The following SPINK9 variants were observed in gnomAD, a reference collection of about 807,000 sequenced individuals.
SPINK9 encodes the protein serine peptidase inhibitor Kazal type 9.
Under a neutral mutation model 10.8 loss-of-function variants are expected in SPINK9, and 3 were observed. The observed-to-expected ratio is 0.28, with a 90% CI of 0.13 to 0.72. The LOEUF is 0.72. Ranked by LOEUF, SPINK9 falls within the 30% of genes least tolerant of loss-of-function variation. The pLI, the probability that SPINK9 is intolerant of heterozygous loss-of-function variation, is 0.74. For synonymous variants in SPINK9, 30 were observed against 31.2 expected (o/e 0.96, Z 0.12); for missense variants, 101 against 103.2 (o/e 0.98, Z 0.09).
chr5:148,332,887 C>G (rs911203812), upstream of SPINK9, among the ~76,000 whole-genome samples: 8 of 152,162 alleles, frequency 5.3e-5, no homozygotes, highest in African/African-American at 1.9e-4. Flanking sequence ...CACTTCAAGT[C>G]AGAAATGGGA....
In SPINK9 at chr5:148,336,456, C is replaced by A. The variant is rs1249823522; in HGVS notation, c.87+3C>A. On this transcript the variant is annotated splice_donor_region_variant and intron_variant, in intron 2 of 3. Transcript: ENST00000377906. The stretch of plus-strand genomic sequence containing the variant: ...GTGCCAAACAGACGAAACAGATGGT[C>A]AGTACACCCATCCTACTTTTATGTA... The A allele has an allele frequency of 1.9e-6, 3 of 1,613,188 alleles. No homozygotes were observed. Among genetic ancestry groups the A allele is most frequent in the Non-Finnish European group, 8.5e-7 (1 of 1,179,396 alleles).
At chr5:148,328,866 G>C (rs1382419442) in intron 2 of SPINK9, among the ~76,000 whole-genome samples, 6 of 152,158 alleles carry the variant, frequency 3.9e-5, no homozygotes, top group Admixed American at 3.9e-4. Flanking sequence ...CTTGATCATG[G>C]TGGATAAGCT....
At chr5:148,326,561 C>A (rs934022018) in intron 2 of SPINK9, among the ~76,000 whole-genome samples, 5 of 152,040 alleles carry the variant, frequency 3.3e-5, no homozygotes, top group African/African-American at 1.2e-4. Context: ...ACGTGCACAA[C>A]CTGCAGGTTT....
intron 2 of SPINK9, among the ~76,000 whole-genome samples, chr5:148,337,857 A>T (rs1028485104): frequency 2.6e-5 from 4 of 152,132 alleles, no homozygotes; most frequent in Admixed American, 2.6e-4. Context: ...TAGATTTTTT[A>T]AAAAATATGA....
rs772286075 is a variant in SPINK9, at chr5:148,335,566, A to G, written c.-48A>G. The G allele has an allele frequency of 1.3e-6, 2 of 1,557,764 alleles. No individual in the cohort carries two copies. The highest frequency in any genetic ancestry group is 1.8e-6 in the Non-Finnish European group (2 of 1,131,436). ...GATCAAAGTGAGCTGGACGGACACCAGGTCACTTCTTTTCCCTACATCTGA... is the reference window on the plus strand; with the variant it reads ...GATCAAAGTGAGCTGGACGGACACCGGGTCACTTCTTTTCCCTACATCTGA... On this transcript the variant is annotated 5_prime_UTR_variant, in exon 1 of 4. Coordinates refer to ENST00000377906, the MANE Select transcript of SPINK9 (RefSeq NM_001040433.2).
At chr5:148,337,938 A>C (rs1757238161) in intron 2 of SPINK9, among the ~76,000 whole-genome samples, 1 of 152,142 alleles carries the variant, frequency 6.6e-6, no homozygotes, top group African/African-American at 2.4e-5. Context: ...ACTGGTTCCC[A>C]ACTACAATAT....
At chr5:148,335,116 C>A (rs1211089873), upstream of SPINK9, among the ~76,000 whole-genome samples, 1 of 152,202 alleles carries the variant, frequency 6.6e-6, no homozygotes, top group Non-Finnish European at 1.5e-5. Context: ...ACAACACCTG[C>A]AAGAGCTTCT....
At chr5:148,336,788 C>T (rs17719799) in intron 2 of SPINK9, among the ~76,000 whole-genome samples, 3,533 of 152,244 alleles carry the variant, frequency 0.023, 154 homozygotes, top group East Asian at 0.17. Context: ...GAGTGAAACT[C>T]AATAAGGGCA....
chr5:148,337,893 C>G (rs976422316), intron 2 of SPINK9, among the ~76,000 whole-genome samples: 1 of 152,046 alleles, frequency 6.6e-6, no homozygotes, highest in Non-Finnish European at 1.5e-5. Flanking sequence ...AATTGCCTAC[C>G]TACTTCCACA....
upstream of SPINK9, among the ~76,000 whole-genome samples, chr5:148,331,190 G>C (rs1757145012): frequency 6.6e-6 from 1 of 152,238 alleles, no homozygotes; most frequent in Admixed American, 6.5e-5. Context: ...CATGCTGGTA[G>C]ATGTAGACTG....
intron 3 of SPINK9, among the ~76,000 whole-genome samples, chr5:148,339,325 C>T (rs560659329): frequency 1.8e-4 from 27 of 151,304 alleles, no homozygotes; most frequent in Admixed American, 6.6e-4. Flanking sequence ...GAAATACAAA[C>T]GAGCATCTAA....
chr5:148,331,389 A>G (rs1757147711), upstream of SPINK9, among the ~76,000 whole-genome samples: 2 of 152,218 alleles, frequency 1.3e-5, no homozygotes, highest in African/African-American at 4.8e-5. Context: ...AATAAATACT[A>G]CGTGATCTCA....
upstream of SPINK9, among the ~76,000 whole-genome samples, chr5:148,333,803 G>C (rs1757180662): frequency 6.6e-6 from 1 of 152,038 alleles, no homozygotes; most frequent in Non-Finnish European, 1.5e-5. Context: ...TTATTTCTCT[G>C]TACCTCACTT....
chr5:148,333,197 C>G (rs1173681679), upstream of SPINK9, among the ~76,000 whole-genome samples: 1 of 152,158 alleles, frequency 6.6e-6, no homozygotes, highest in Admixed American at 6.5e-5. Context: ...ACCCACATTC[C>G]CACTTCATCT....
At chr5:148,329,990 G>T (rs1223436536) in intron 2 of SPINK9, among the ~76,000 whole-genome samples, 1 of 152,150 alleles carries the variant, frequency 6.6e-6, no homozygotes, top group Non-Finnish European at 1.5e-5. Context: ...TGTTGATTTC[G>T]GGTGGAGAGT....
chr5:148,330,920 T>G (rs73262446), upstream of SPINK9, among the ~76,000 whole-genome samples: 724 of 152,348 alleles, frequency 4.8e-3, 4 homozygotes, highest in African/African-American at 0.016. Flanking sequence ...TTGTGCTGTT[T>G]GCTAAGCCCG....
At position 148,337,414 on chromosome 5, in the gene SPINK9, G is replaced by T. The variant is rs561121390; in HGVS notation, c.87+961G>T. On this transcript the variant is annotated intron_variant, in intron 2 of 3. Transcript: ENST00000377906. ...GGTGTATGGAAGCTGATGAATGAAT[G>T]AATGAATTAATTAATGAAGCACATC... is the stretch of plus-strand genomic sequence containing the variant. 3.3e-5 allele frequency among the ~76,000 whole-genome samples: 5 copies of T among 152,280 alleles called. No individual in the cohort carries two copies. The East Asian group carries it at 5.8e-4, about 18-fold the overall frequency.
chr5:148,328,409 T>G (rs777696245), intron 2 of SPINK9, among the ~76,000 whole-genome samples: 18 of 152,144 alleles, frequency 1.2e-4, no homozygotes, highest in African/African-American at 4.3e-4. Context: ...TGGGCTGAGA[T>G]GATGGGATTT....
At chr5:148,330,668 G>A (rs1379829052), upstream of SPINK9, among the ~76,000 whole-genome samples, 4 of 152,250 alleles carry the variant, frequency 2.6e-5, no homozygotes, top group South Asian at 4.1e-4. Flanking sequence ...CATGTTTAGT[G>A]CTTCCTTCAG....
Sources: gnomAD v4.1 joint callset for allele counts (sites outside exome capture counted in the v4.1 genomes callset) on GRCh38, gnomAD v4.1.1 for gene constraint, MANE v1.5 for transcripts, NCBI Gene and HGNC (gene_info 2026-07-23, HGNC 2026-07-21) for gene names.